The following ZNF727 variants were observed in gnomAD, a reference collection of about 807,000 sequenced individuals.
ZNF727 encodes zinc finger protein 727, also known as putative zinc finger protein 727.
A neutral mutation model predicts 11.5 loss-of-function variants in ZNF727; 11 were observed. The observed-to-expected ratio is 0.95, with a 90% CI of 0.60 to 1.58. The LOEUF is 1.58. Among genes scored for constraint, ZNF727 ranks in the 40% most tolerant of loss-of-function variants. ZNF727 has a pLI of 0.00. For missense variants in ZNF727, 533 were observed against 581.7 expected (o/e 0.92, Z 0.86); for synonymous variants, 171 against 196.1 (o/e 0.87, Z 1.07).
At chr7:64,061,264 G>T (rs190844560) in intron 1 of ZNF727, among the ~76,000 whole-genome samples, 1 of 152,244 alleles carries the variant, frequency 6.6e-6, no homozygotes, top group East Asian at 1.9e-4. Flanking sequence ...GCTGCTGAAA[G>T]TGGGTTGCTG....
intron 1 of ZNF727, among the ~76,000 whole-genome samples, chr7:64,062,476 G>GT (rs988337438): frequency 5.9e-5 from 9 of 151,598 alleles, no homozygotes; most frequent in African/African-American, 1.9e-4. Flanking sequence ...AGTACATTAA[G>GT]TATGTCATGT....
chr7:64,068,859 T>G (rs751158484), intron 1 of ZNF727, 32 bp from the exon 2 acceptor site: 1 of 1,559,334 alleles, frequency 6.4e-7, no homozygotes, highest in South Asian at 1.2e-5. Context: ...ATTATTTCTT[T>G]GGTCACTTGG....
chr7:64,057,659 A>G (rs930283400), intron 1 of ZNF727, among the ~76,000 whole-genome samples: 7 of 152,022 alleles, frequency 4.6e-5, no homozygotes, highest in South Asian at 2.1e-4. Flanking sequence ...ACATTTACCT[A>G]TGTAACAAAC....
intron 1 of ZNF727, among the ~76,000 whole-genome samples, chr7:64,055,384 C>CTCCA (rs1407637051): frequency 6.6e-6 from 1 of 151,554 alleles, no homozygotes; most frequent in Non-Finnish European, 1.5e-5. Context: ...CACCACTGCA[C>CTCCA]TCCAGCCTGG....
chr7:64,083,024 G>T lies in ZNF727; in HGVS notation c.*4475G>T, dbSNP rs1247645454. ...GCTAAGTCACACAAACAGCAAAAAT[G>T]GCCGCTCACTCTTCCCTTTAGGAGC... On this transcript the variant is annotated 3_prime_UTR_variant, in exon 4 of 4. Transcript: ENST00000456806. 6.6e-6 allele frequency among the ~76,000 whole-genome samples: 1 copy of T among 152,228 alleles called. No homozygotes were observed. Among genetic ancestry groups the T allele is most frequent in the East Asian group, 1.9e-4 (1 of 5,192 alleles).
chr7:64,063,803 C>T (rs551265068), intron 1 of ZNF727, among the ~76,000 whole-genome samples: 34 of 152,104 alleles, frequency 2.2e-4, no homozygotes, highest in South Asian at 1.2e-3. Context: ...TACTTGGTGC[C>T]CTATTCTGCT....
chr7:64,046,316 G>A (rs1197696533), intron 1 of ZNF727, among the ~76,000 whole-genome samples: 2 of 152,180 alleles, frequency 1.3e-5, no homozygotes, highest in African/African-American at 4.8e-5. Context: ...ACATGCATGA[G>A]CCACTGTCGT....
In ZNF727 at chr7:64,078,341, A is replaced by G. The variant is rs1785723502; in HGVS notation, c.1292A>G (p.Lys431Arg). The stretch of plus-strand genomic sequence containing the variant: ...CCTTACAAATGTGAAGAATGTGGCA[A>G]AACCTTTAAGTGGTTCCCAGACCTG... Reference protein sequence around the residue: ...VRPYKCEECGKTFKWFPDLTN... With the variant: ...VRPYKCEECGRTFKWFPDLTN... Residue 431 changes from lysine (K) to arginine (R), a missense_variant, in exon 4 of 4, where the codon AAA (lysine) becomes AGA (arginine). Around this residue, in one of 3 missense-constraint regions of ZNF727, gnomAD observed 16 missense variants for 38.6 expected, o/e 0.41. Coordinates refer to ENST00000456806, the MANE Select transcript of ZNF727 (RefSeq NM_001159522.3). The G allele has an allele frequency of 2.5e-6, 4 of 1,576,902 alleles. No homozygotes were observed. The highest frequency in any genetic ancestry group is 3.4e-6 in the Non-Finnish European group (4 of 1,161,054).
intron 1 of ZNF727, among the ~76,000 whole-genome samples, chr7:64,055,192 G>A (rs527295163): frequency 3.3e-5 from 5 of 152,186 alleles, no homozygotes; most frequent in South Asian, 2.1e-4. Context: ...GCTGAGGTTC[G>A]CGGATCACAA....
At chr7:64,060,000 T>G (rs1395879425) in intron 1 of ZNF727, among the ~76,000 whole-genome samples, 1 of 152,144 alleles carries the variant, frequency 6.6e-6, no homozygotes, top group Non-Finnish European at 1.5e-5. Context: ...GTAGGTAACT[T>G]CATAAAATAT....
In ZNF727 at chr7:64,080,321, G is replaced by C. The variant is rs904191415; in HGVS notation, c.*1772G>C. On this transcript the variant is annotated 3_prime_UTR_variant, in exon 4 of 4. Coordinates refer to ENST00000456806, the MANE Select transcript of ZNF727 (RefSeq NM_001159522.3). ...TAGATTTGGTTTATTTACATAATCT[G>C]TTATTTCTTGGAGGTTTTGTTCATT... Among the ~76,000 whole-genome samples the C allele has an allele frequency of 2.0e-5, 3 of 152,016 alleles. No homozygotes were observed. The highest frequency in any genetic ancestry group is 6.6e-5 in the Admixed American group (1 of 15,250).
intron 1 of ZNF727, among the ~76,000 whole-genome samples, chr7:64,047,449 C>G (rs1316918555): frequency 6.6e-6 from 1 of 152,208 alleles, no homozygotes; most frequent in Non-Finnish European, 1.5e-5. Context: ...CTCATCTTCT[C>G]TAGGCACGCG....
In ZNF727 at chr7:64,083,882, C is replaced by G. The variant is rs1248394274; in HGVS notation, c.*5333C>G. Among the ~76,000 whole-genome samples, 1 of 152,126 alleles carries G rather than the reference C, an allele frequency of 6.6e-6. No homozygotes were observed. The highest frequency in any genetic ancestry group is 1.5e-5 in the Non-Finnish European group (1 of 68,010). ...GCTGTATCTATGCACACCTTGCATT[C>G]TTCTCTGTGAGAGCTACACAGTCTA... On this transcript the variant is annotated 3_prime_UTR_variant, in exon 4 of 4. Coordinates refer to ENST00000456806, the MANE Select transcript of ZNF727 (RefSeq NM_001159522.3).
Position 64,078,640 on chromosome 7 carries a change from C to T in ZNF727, c.*91C>T, listed in dbSNP as rs1785732970. 1.2e-5 allele frequency: 17 copies of T among 1,396,480 alleles called. 1 individual carries two copies. In the South Asian group the frequency reaches 1.7e-4, roughly 14 times the overall value. The allele number at this position is 1,396,480 out of a possible 1,614,324, so 86.5% of individuals were successfully genotyped here. A position where few individuals can be genotyped will look rare whatever the true frequency, so the allele number is the denominator to read the frequency against. ...CTTAGTAAACACAAGAGAATTCATA[C>T]TGGAGAGAAACCCTACATTTGTGAA... On this transcript the variant is annotated 3_prime_UTR_variant, in exon 4 of 4. Transcript: ENST00000456806.
intron 3 of ZNF727, among the ~76,000 whole-genome samples, chr7:64,070,540 T>C (rs990545898): frequency 6.6e-6 from 1 of 152,016 alleles, no homozygotes; most frequent in African/African-American, 2.4e-5. Context: ...ATATATTATA[T>C]ATAATGTATT....
intron 3 of ZNF727, among the ~76,000 whole-genome samples, chr7:64,076,387 G>T (rs1229170401): frequency 6.6e-6 from 1 of 152,106 alleles, no homozygotes; most frequent in African/African-American, 2.4e-5. Flanking sequence ...CAGGCGGGCG[G>T]ATCACCCAAG....
chr7:64,050,250 A>G (rs1355578935), intron 1 of ZNF727, among the ~76,000 whole-genome samples: 1 of 152,160 alleles, frequency 6.6e-6, no homozygotes, highest in African/African-American at 2.4e-5. Context: ...TAATATACAA[A>G]CACATTTATA....
intron 3 of ZNF727, among the ~76,000 whole-genome samples, chr7:64,070,879 T>G (rs189122624): frequency 2.6e-5 from 4 of 152,220 alleles, no homozygotes; most frequent in African/African-American, 7.2e-5. Context: ...AGTATTTGTC[T>G]TTCTGTTTCT....
At position 64,079,975 on chromosome 7, in the gene ZNF727, A is replaced by G. The variant is rs1431691637; in HGVS notation, c.*1426A>G. 1.3e-5 allele frequency among the ~76,000 whole-genome samples: 2 copies of G among 152,146 alleles called. No individual in the cohort carries two copies. Among genetic ancestry groups the G allele is most frequent in the East Asian group, 3.9e-4 (2 of 5,188 alleles). On this transcript the variant is annotated 3_prime_UTR_variant, in exon 4 of 4. Coordinates refer to ENST00000456806, the MANE Select transcript of ZNF727 (RefSeq NM_001159522.3). ...AATTCTTTTTTAAAGAAAGTTGAAT[A>G]TTGGCCATTAATCTCTTTTGACTTG...
Sources: gnomAD v4.1 joint callset for allele counts (sites outside exome capture counted in the v4.1 genomes callset) on GRCh38, gnomAD v4.1.1 for gene constraint, gnomAD v4.1.1 regional missense constraint, MANE v1.5 for transcripts, NCBI Gene and HGNC (gene_info 2026-07-23, HGNC 2026-07-21) for gene names.